Variants in CCNB3 observed in about 807,000 individuals in gnomAD.
CCNB3 encodes G2/mitotic-specific cyclin-B3.
A neutral mutation model predicts 68.0 loss-of-function variants in CCNB3; 12 were observed. That is an observed-to-expected ratio of 0.18 (90% CI 0.11 to 0.29). The LOEUF (loss-of-function observed/expected upper bound fraction) is 0.29. Among genes scored for constraint, CCNB3 ranks in the 10% least tolerant of loss-of-function variants. The pLI is 1.00. For synonymous variants in CCNB3, 354 were observed against 388.9 expected (o/e 0.91, Z 1.06); for missense variants, 904 against 993.1 (o/e 0.91, Z 1.21).
intron 11 of CCNB3, among the ~76,000 whole-genome samples, chrX:50,349,451 A>AT (rs1557220827): frequency 1.8e-5 from 2 of 112,248 alleles, no homozygotes; most frequent in Non-Finnish European, 3.8e-5. Flanking sequence ...CTGTTTGTGT[A>AT]TTTTAGAAAC....
intron 5 of CCNB3, among the ~76,000 whole-genome samples, chrX:50,300,014 A>C (rs1557212176): frequency 9.0e-6 from 1 of 110,603 alleles, no homozygotes; most frequent in Non-Finnish European, 1.9e-5. Flanking sequence ...CTTTATTTTG[A>C]GCCTGTGTGT....
intron 5 of CCNB3, among the ~76,000 whole-genome samples, chrX:50,302,152 G>C (rs915974346): frequency 8.9e-6 from 1 of 112,275 alleles, no homozygotes; most frequent in Non-Finnish European, 1.9e-5. Flanking sequence ...TGCACCCACT[G>C]TCTGGCACTC....
chrX:50,285,109 GC>G lies in CCNB3; in HGVS notation c.-37-16del. The G allele has an allele frequency of 1.1e-6, 1 of 892,618 alleles. No individual in the cohort carries two copies. The highest frequency in any genetic ancestry group is 1.7e-6 in the Non-Finnish European group (1 of 605,802). The allele number at this position is 892,618 out of a possible 1,213,427, so 73.6% of individuals were successfully genotyped here. On this transcript the variant is annotated splice_polypyrimidine_tract_variant and intron_variant, in intron 2 of 12. Transcript: ENST00000376042. ...TGTTTCTGGTGAATGGTGTTAAAGA[GC>G]CTCTTTCTGATTACAGCCCTGCCTT...
chrX:50,334,875 C>T (rs1922772313), intron 8 of CCNB3, among the ~76,000 whole-genome samples: 1 of 112,068 alleles, frequency 8.9e-6, no homozygotes, highest in Admixed American at 9.4e-5. Flanking sequence ...CCCTTACTTG[C>T]CTTCTGGTTT....
At chrX:50,318,019 T>A (rs1383088823) in intron 8 of CCNB3, among the ~76,000 whole-genome samples, 1 of 111,107 alleles carries the variant, frequency 9.0e-6, no homozygotes, top group East Asian at 2.8e-4. Context: ...ATGCCACGTG[T>A]GGGAATTAAA....
At chrX:50,331,816 G>A (rs1165651427) in intron 8 of CCNB3, among the ~76,000 whole-genome samples, 1 of 111,795 alleles carries the variant, frequency 8.9e-6, no homozygotes, top group East Asian at 2.8e-4. Flanking sequence ...CGAGGATTCA[G>A]TCTGGCCCCA....
chrX:50,331,219 C>A (rs1441283996), intron 8 of CCNB3, among the ~76,000 whole-genome samples: 1 of 111,514 alleles, frequency 9.0e-6, no homozygotes, highest in African/African-American at 3.3e-5. Context: ...ATGCCAATAA[C>A]ACAACTACCT....
At chrX:50,320,163 A>T (rs1332887692) in intron 8 of CCNB3, among the ~76,000 whole-genome samples, 3 of 108,799 alleles carry the variant, frequency 2.8e-5, no homozygotes, top group Non-Finnish European at 3.8e-5. Context: ...ATTATCCCCA[A>T]CCCTTCTGTT....
At position 50,309,421 on chromosome X, in the gene CCNB3, T is replaced by C. The variant is rs1159589530; in HGVS notation, c.1252T>C (p.Leu418=). The change falls in exon 6 of 13, where the codon TTG becomes CTG. Residue 418 remains leucine, a synonymous_variant. Coordinates refer to ENST00000376042, the MANE Select transcript of CCNB3 (RefSeq NM_033031.3). Reference sequence around the variant, plus strand: ...AGAGAAGTCGCTCATTATGAAGCCATTGTCCATTAAAGAAAAGCCATCTAC... The same window carrying C: ...AGAGAAGTCGCTCATTATGAAGCCACTGTCCATTAAAGAAAAGCCATCTAC... The part of the protein sequence containing the change: ...SGEKSLIMKP[L]SIKEKPSTEK... The C allele has an allele frequency of 8.3e-7, 1 of 1,210,813 alleles. No homozygotes were observed. Among genetic ancestry groups the C allele is most frequent in the Non-Finnish European group, 1.1e-6 (1 of 895,205 alleles).
intron 1 of CCNB3, among the ~76,000 whole-genome samples, chrX:50,206,033 G>A (rs1935354059): frequency 9.3e-6 from 1 of 107,049 alleles, no homozygotes; most frequent in South Asian, 4.1e-4. Flanking sequence ...GGCGGATCAC[G>A]AGATCAAAAG....
intron 11 of CCNB3, among the ~76,000 whole-genome samples, chrX:50,350,955 C>T (rs142164240): frequency 1.4e-3 from 153 of 111,479 alleles, no homozygotes; most frequent in African/African-American, 4.7e-3. Flanking sequence ...CCTCGGGCTC[C>T]TAATATGCTG....
At chrX:50,319,279 A>G (rs1291109371) in intron 8 of CCNB3, among the ~76,000 whole-genome samples, 6 of 111,414 alleles carry the variant, frequency 5.4e-5, no homozygotes, top group East Asian at 2.8e-4. Flanking sequence ...AACCTATGGT[A>G]TGTCTCTCCA....
intron 8 of CCNB3, among the ~76,000 whole-genome samples, chrX:50,330,827 A>G (rs1486620807): frequency 8.9e-6 from 1 of 111,907 alleles, no homozygotes; most frequent in African/African-American, 3.2e-5. Flanking sequence ...GACAGCAATT[A>G]GTAAGGTTAA....
intron 5 of CCNB3, among the ~76,000 whole-genome samples, chrX:50,300,494 G>A (rs1477106174): frequency 2.7e-5 from 3 of 111,813 alleles, no homozygotes; most frequent in Non-Finnish European, 5.6e-5. Context: ...AGTTTCTGCC[G>A]AGAGATCTGC....
chrX:50,210,088 T>C (rs1935459563), intron 1 of CCNB3, among the ~76,000 whole-genome samples: 1 of 112,287 alleles, frequency 8.9e-6, no homozygotes, highest in Non-Finnish European at 1.9e-5. Flanking sequence ...TTTCATGGTT[T>C]CATTTTTACA....
intron 1 of CCNB3, among the ~76,000 whole-genome samples, chrX:50,222,668 A>G (rs1386208263): frequency 9.0e-6 from 1 of 111,480 alleles, no homozygotes; most frequent in Non-Finnish European, 1.9e-5. Context: ...CTTTGTGGGT[A>G]ACCCGACCTT....
chrX:50,226,970 T>C (rs1399537287), intron 1 of CCNB3, among the ~76,000 whole-genome samples: 1 of 75,289 alleles, frequency 1.3e-5, no homozygotes, highest in Non-Finnish European at 2.3e-5. Context: ...ATATATAGAA[T>C]ATATATAGTA....
chrX:50,283,294 C>T lies in CCNB3; in HGVS notation c.-112-1248C>T, dbSNP rs139365020. Among the ~76,000 whole-genome samples the T allele has an allele frequency of 5.7e-3, 630 of 110,675 alleles. 17 individuals are homozygous for T. The highest frequency in any genetic ancestry group is 0.054 in the Admixed American group (561 of 10,332). On this transcript the variant is annotated intron_variant, in intron 1 of 12. Coordinates refer to ENST00000376042, the MANE Select transcript of CCNB3 (RefSeq NM_033031.3). ...GTTTTGGAATATTTTTGAGTGTGAT[C>T]GAAGAGACTTCATGGTATTTTAGAA...
At chrX:50,333,940 C>T (rs1366404703) in intron 8 of CCNB3, among the ~76,000 whole-genome samples, 6 of 111,675 alleles carry the variant, frequency 5.4e-5, no homozygotes, top group Middle Eastern at 4.6e-3. Context: ...GTCCTTTCCC[C>T]CAGAGTTTAG....
Sources: gnomAD v4.1 joint callset for allele counts (sites outside exome capture counted in the v4.1 genomes callset) on GRCh38, gnomAD v4.1.1 for gene constraint, MANE v1.5 for transcripts, NCBI Gene and HGNC (gene_info 2026-07-23, HGNC 2026-07-21) for gene names.